PLA2R1: variants seen among roughly 807,000 people sequenced by gnomAD.
The protein encoded by PLA2R1 is phospholipase A2 receptor 1.
PLA2R1 carries 158 observed loss-of-function variants against 195.9 expected under a neutral mutation model. The observed-to-expected ratio is 0.81, with a 90% CI of 0.71 to 0.92. The LOEUF is 0.92. Among genes scored for constraint, PLA2R1 ranks in the 40% least tolerant of loss-of-function variants. The pLI, the probability that PLA2R1 is intolerant of heterozygous loss-of-function variation, is 0.00. For synonymous variants in PLA2R1, 586 were observed against 598.2 expected (o/e 0.98, Z 0.30); for missense variants, 1,626 against 1,764.6 (o/e 0.92, Z 1.41).
chr2:159,949,457 TTC>T (rs1687586982), intron 25 of PLA2R1, 149 bp downstream of exon 25: 3 of 547,010 alleles, frequency 5.5e-6, no homozygotes, highest in East Asian at 5.6e-5. Context: ...CATTTTGTAG[TTC>T]TGTTATTCTT....
Position 160,019,138 on chromosome 2 carries a change from G to A in PLA2R1, c.1452+968C>T, listed in dbSNP as rs559521214. Among the ~76,000 whole-genome samples, 84 of 152,296 alleles carry A rather than the reference G, an allele frequency of 5.5e-4. 1 individual carries two copies. Among genetic ancestry groups the A allele is most frequent in the South Asian group, 3.1e-3 (15 of 4,814 alleles). On this transcript the variant is annotated intron_variant, in intron 8 of 29. Transcript: ENST00000283243. Reference sequence around the variant, plus strand: ...GATAAATGAGAGACTAGAACATAGGGATGAATGTGATGTTCAGGCTACTGG... The same window carrying A: ...GATAAATGAGAGACTAGAACATAGGAATGAATGTGATGTTCAGGCTACTGG...
At chr2:160,001,240 A>T (rs989561537) in intron 11 of PLA2R1, among the ~76,000 whole-genome samples, 1 of 152,094 alleles carries the variant, frequency 6.6e-6, no homozygotes, top group Non-Finnish European at 1.5e-5. Flanking sequence ...AATAACTTTG[A>T]TATTGTTGAT....
intron 24 of PLA2R1, 112 bp from the exon 25 acceptor site, chr2:159,949,888 T>C (rs767758327): frequency 2.6e-6 from 2 of 771,918 alleles, no homozygotes; most frequent in Non-Finnish European, 4.4e-6. Context: ...TGCACACCTT[T>C]TTAAAGAGGG....
At chr2:159,979,963 C>T (rs1689835672) in intron 13 of PLA2R1, 49 bp from the exon 14 acceptor site, 1 of 1,129,840 alleles carries the variant, frequency 8.9e-7, no homozygotes, top group Admixed American at 1.8e-5. Flanking sequence ...AAATTTACAG[C>T]ATTATGTGAA....
intron 3 of PLA2R1, among the ~76,000 whole-genome samples, 155 bp from the exon 4 acceptor site, chr2:160,033,287 AT>A (rs1330210736): frequency 6.6e-6 from 1 of 152,234 alleles, no homozygotes; most frequent in African/African-American, 2.4e-5. Context: ...TAAAATCTGC[AT>A]TGTTATTCCA....
downstream of PLA2R1, among the ~76,000 whole-genome samples, chr2:159,931,252 A>C (rs1686578758): frequency 6.6e-6 from 1 of 152,198 alleles, no homozygotes; most frequent in South Asian, 2.1e-4. Flanking sequence ...AAATAGGGCC[A>C]GGTGCAATGG....
intron 17 of PLA2R1, among the ~76,000 whole-genome samples, chr2:159,971,780 G>A (rs1689207271): frequency 6.6e-6 from 1 of 152,058 alleles, no homozygotes; most frequent in African/African-American, 2.4e-5. Context: ...AGGAATTTCA[G>A]CTCTCCATAC....
chr2:159,989,514 G>A (rs1690611516), intron 11 of PLA2R1, among the ~76,000 whole-genome samples: 1 of 152,180 alleles, frequency 6.6e-6, no homozygotes, highest in Admixed American at 6.5e-5. Flanking sequence ...AAAGAACTTC[G>A]GACTTGGAGC....
chr2:159,955,113 A>C, intron 23 of PLA2R1, 86 bp downstream of exon 23: 1 of 980,036 alleles, frequency 1.0e-6, no homozygotes, highest in African/African-American at 1.6e-5. Context: ...TGTTAGCTAC[A>C]TTAGCTACAC....
chr2:159,932,988 G>C lies in PLA2R1; in HGVS notation c.*8790C>G, dbSNP rs915718751. 8.1e-6 allele frequency: 1 copy of C among 123,662 alleles called. No individual in the cohort carries two copies. The highest frequency in any genetic ancestry group is 9.9e-5 in the Admixed American group (1 of 10,102). 7.7% of individuals were successfully genotyped at this position (123,662 alleles called of 1,614,324 possible). On this transcript the variant is annotated 3_prime_UTR_variant, in exon 30 of 30. Coordinates refer to ENST00000283243, the MANE Select transcript of PLA2R1 (RefSeq NM_007366.5). ...CAGGAAACAAGTTGAAAATAGCATA[G>C]ATCATGATGTCTTTTTTTTTTTTTG...
intron 11 of PLA2R1, among the ~76,000 whole-genome samples, chr2:159,995,693 T>C (rs1336154897): frequency 3.3e-5 from 5 of 152,096 alleles, no homozygotes; most frequent in Non-Finnish European, 7.4e-5. Flanking sequence ...GATGTTTATA[T>C]ACAAAAAAAT....
At chr2:160,060,741 C>A (rs1047152353) in intron 1 of PLA2R1, among the ~76,000 whole-genome samples, 2 of 152,190 alleles carry the variant, frequency 1.3e-5, no homozygotes, top group Non-Finnish European at 2.9e-5. Context: ...GCCCTTCACT[C>A]GGAGGATCAC....
At chr2:160,000,725 A>G (rs1184583391) in intron 11 of PLA2R1, among the ~76,000 whole-genome samples, 1 of 152,198 alleles carries the variant, frequency 6.6e-6, no homozygotes, top group Non-Finnish European at 1.5e-5. Context: ...AACCAAATTT[A>G]AAACAGAAAT....
chr2:160,013,286 A>T lies in PLA2R1; in HGVS notation c.1641T>A (p.Pro547=), dbSNP rs1312101079. Residue 547 remains proline, a synonymous_variant, in exon 10 of 30, where the codon CCT becomes CCA. Coordinates refer to ENST00000283243, the MANE Select transcript of PLA2R1 (RefSeq NM_007366.5). The part of the protein sequence containing the change: ...DQASSGYYCP[P]ALVTITNRFE... ...ACCTGTTTGTAATGGTTACAAGTGC[A>T]GGAGGACAGTAATAACCGCTGGAAG... The T allele has an allele frequency of 6.2e-7, 1 of 1,601,102 alleles. No homozygotes were observed. The highest frequency in any genetic ancestry group is 8.6e-7 in the Non-Finnish European group (1 of 1,168,558).
chr2:160,049,116 C>T (rs890380431), intron 1 of PLA2R1, among the ~76,000 whole-genome samples: 34 of 152,144 alleles, frequency 2.2e-4, no homozygotes, highest in African/African-American at 7.7e-4. Flanking sequence ...GCTGGGATTA[C>T]AGGCGTGAGC....
chr2:160,045,934 G>A (rs1694834759), intron 1 of PLA2R1, among the ~76,000 whole-genome samples: 1 of 152,180 alleles, frequency 6.6e-6, no homozygotes, highest in Non-Finnish European at 1.5e-5. Flanking sequence ...TTTGTGATAT[G>A]CCCCTAAGCT....
chr2:159,975,147 A>G (rs1689455301), intron 17 of PLA2R1, among the ~76,000 whole-genome samples: 1 of 152,220 alleles, frequency 6.6e-6, no homozygotes, highest in Admixed American at 6.5e-5. Flanking sequence ...TTACTACATC[A>G]TATCACTTCC....
intron 11 of PLA2R1, among the ~76,000 whole-genome samples, chr2:160,004,959 C>G (rs1485366688): frequency 6.6e-6 from 1 of 152,136 alleles, no homozygotes; most frequent in Non-Finnish European, 1.5e-5. Flanking sequence ...CCCATATGTG[C>G]CCATCCACCG....
chr2:160,027,401 T>C (rs915519273), intron 6 of PLA2R1, among the ~76,000 whole-genome samples: 1 of 152,210 alleles, frequency 6.6e-6, no homozygotes, highest in African/African-American at 2.4e-5. Flanking sequence ...AGCAAATTCC[T>C]GAAATAATGG....
Sources: gnomAD v4.1 joint callset for allele counts (sites outside exome capture counted in the v4.1 genomes callset) on GRCh38, gnomAD v4.1.1 for gene constraint, MANE v1.5 for transcripts, NCBI Gene and HGNC (gene_info 2026-07-23, HGNC 2026-07-21) for gene names.